COL2A1: variants seen among roughly 807,000 people sequenced by gnomAD.
COL2A1 encodes the protein collagen alpha-1(II) chain.
Under a neutral mutation model 204.5 loss-of-function variants are expected in COL2A1, and 28 were observed. That is an observed-to-expected ratio of 0.14 (90% CI 0.10 to 0.19). The LOEUF (loss-of-function observed/expected upper bound fraction) is 0.19, where lower values mean the gene tolerates loss of function less well. Among genes scored for constraint, COL2A1 ranks in the 10% least tolerant of loss-of-function variants. The pLI, the probability that COL2A1 is intolerant of heterozygous loss-of-function variation, is 1.00. For missense variants in COL2A1, 1,388 were observed against 2,027.5 expected (o/e 0.68, Z 6.06); for synonymous variants, 708 against 718.7 (o/e 0.99, Z 0.24).
intron 12 of COL2A1, 130 bp downstream of exon 12, chr12:47,994,294 C>T (rs1376496422): frequency 1.4e-5 from 15 of 1,062,052 alleles, no homozygotes; most frequent in South Asian, 1.1e-4. Flanking sequence ...CAAACATGGT[C>T]GTGATAAATA....
chr12:47,993,894 T>A, intron 13 of COL2A1, 32 bp from the exon 14 acceptor site: 1 of 1,614,096 alleles, frequency 6.2e-7, no homozygotes, highest in South Asian at 1.1e-5. Flanking sequence ...TCAATCAGAC[T>A]TCTGGGAAAC....
At chr12:47,997,528 C>T (rs995518926) in intron 7 of COL2A1, 78 bp downstream of exon 7, 2 of 1,612,808 alleles carry the variant, frequency 1.2e-6, no homozygotes, top group African/African-American at 2.7e-5. Context: ...GGGAGCCAGC[C>T]AGGTAAGTGC....
Position 47,996,595 on chromosome 12 carries a change from C to A in COL2A1, c.562G>T (p.Asp188Tyr). Reference sequence around the variant, plus strand: ...AACTGGGCGCCACCAGCCTTTTCATCAAATCCTCCAGCCATCTGGGCAGCA... The same window carrying A: ...AACTGGGCGCCACCAGCCTTTTCATAAAATCCTCCAGCCATCTGGGCAGCA... ...NFAAQMAGGF[D>Y]EKAGGAQLGV... Residue 188 changes from aspartate to tyrosine, a missense_variant, in exon 8 of 54, where the codon GAT becomes TAT. Transcript: ENST00000380518. 1 of 1,614,236 alleles carries A rather than the reference C, an allele frequency of 6.2e-7. No individual in the cohort carries two copies. Among genetic ancestry groups the A allele is most frequent in the Non-Finnish European group, 8.5e-7 (1 of 1,180,046 alleles).
chr12:47,993,382 C>G, intron 15 of COL2A1, 76 bp downstream of exon 15: 1 of 1,139,400 alleles, frequency 8.8e-7, no homozygotes, highest in South Asian at 1.2e-5. Context: ...GAACTTTGCA[C>G]AAAGGGAGCT....
At chr12:47,989,889 A>G (rs1208917281) in intron 16 of COL2A1, 84 bp from the exon 17 acceptor site, 1 of 1,339,656 alleles carries the variant, frequency 7.5e-7, no homozygotes, top group African/African-American at 1.4e-5. Context: ...CAGAAAACGA[A>G]GGACACACTG....
chr12:48,001,699 A>G (rs1020536878), intron 1 of COL2A1, among the ~76,000 whole-genome samples: 2 of 152,178 alleles, frequency 1.3e-5, no homozygotes, highest in African/African-American at 4.8e-5. Flanking sequence ...GCGGCTCTGG[A>G]CACGGCTCGC....
At chr12:48,001,537 T>G (rs1435058911) in intron 1 of COL2A1, among the ~76,000 whole-genome samples, 1 of 151,882 alleles carries the variant, frequency 6.6e-6, no homozygotes, top group Non-Finnish European at 1.5e-5. Flanking sequence ...CCCTCGCCCA[T>G]GAGGACCCAG....
chr12:48,004,297 T>A lies in COL2A1; in HGVS notation c.25A>T (p.Thr9Ser), dbSNP rs3803183. 0.81 allele frequency: 1,253,225 copies of A among 1,549,070 alleles called. 511,699 individuals are homozygous for A. The highest frequency in any genetic ancestry group is 0.84 in the Non-Finnish European group (965,729 of 1,145,632). The change falls in exon 1 of 54, where the codon ACG (threonine) becomes TCG (serine). Residue 9 changes from threonine to serine, a missense_variant. By Grantham distance (58) the Thr-to-Ser change is moderately conservative. Coordinates refer to ENST00000380518, the MANE Select transcript of COL2A1 (RefSeq NM_001844.5). Reference sequence around the variant, plus strand: ...ACGAGCAGCGTCAGCAGCACCAGCGTCTGGGGAGCCCCGAGGCGAATCATG... The same window carrying A: ...ACGAGCAGCGTCAGCAGCACCAGCGACTGGGGAGCCCCGAGGCGAATCATG... MIRLGAPQ[T>S]LVLLTLLVAA...
At position 47,987,753 on chromosome 12, in the gene COL2A1, A is replaced by C; in HGVS notation, c.1123-44T>G. 6.8e-7 allele frequency: 1 copy of C among 1,468,818 alleles called. No homozygotes were observed. The highest frequency in any genetic ancestry group is 9.4e-7 in the Non-Finnish European group (1 of 1,060,016). The allele number at this position is 1,468,818 out of a possible 1,614,324, so 91.0% of individuals were successfully genotyped here. A position where few individuals can be genotyped will look rare whatever the true frequency, so the allele number is the denominator to read the frequency against. The stretch of plus-strand genomic sequence containing the variant: ...GATGAAATGAAGAAGAAGAGAGGGG[A>C]CACAGACCTCTAGTGGGTGGGCAAT... On this transcript the variant is annotated intron_variant, in intron 18 of 53. Coordinates refer to ENST00000380518, the MANE Select transcript of COL2A1 (RefSeq NM_001844.5). The surrounding 1 kb of genome is among the most constrained non-coding windows in gnomAD (Gnocchi z 4.1).
At chr12:47,979,634 G>T in intron 40 of COL2A1, 70 bp from the exon 41 acceptor site, 2 of 566,316 alleles carry the variant, frequency 3.5e-6, no homozygotes, top group South Asian at 1.5e-5. Flanking sequence ...ATGGGCGGGG[G>T]GCGGGGGTGG....
Position 47,981,804 on chromosome 12 carries a change from G to T in COL2A1, c.2381C>A (p.Pro794His). The T allele has an allele frequency of 6.4e-7, 1 of 1,552,944 alleles. No homozygotes were observed. Among genetic ancestry groups the T allele is most frequent in the South Asian group, 1.2e-5 (1 of 84,236 alleles). The change falls in exon 36 of 54, where the codon CCT becomes CAT. Residue 794 changes from proline (P) to histidine (H), a missense_variant. Pro to His is a moderately conservative substitution (Grantham distance 77). Transcript: ENST00000380518. Reference protein sequence around the residue: ...GRGLTGPIGPPGPAGANGEKG... With the variant: ...GRGLTGPIGPHGPAGANGEKG... ...CTCGCCATTAGCACCAGCTGGGCCA[G>T]GGGGGCCAATGGGACCTGTCAGGCC...
chr12:47,992,049 G>A (rs1164928879), intron 16 of COL2A1, among the ~76,000 whole-genome samples: 1 of 152,214 alleles, frequency 6.6e-6, no homozygotes, highest in Non-Finnish European at 1.5e-5. Context: ...AGGGGCCTCA[G>A]AGCTTGGGTG....
upstream of COL2A1, chr12:48,004,614 C>G (rs111303206): frequency 3.3e-6 from 1 of 304,496 alleles, no homozygotes. Context: ...CGCCTGGGCC[C>G]TGCCAGTGCC....
At position 47,983,670 on chromosome 12, in the gene COL2A1, T is replaced by C. The variant is rs1381091347; in HGVS notation, c.1995+13A>G. On this transcript the variant is annotated intron_variant, in intron 30 of 53. Transcript: ENST00000380518. ...GCAAAGGACTGCACAGAGAGCCTGG[T>C]CCAGCCACCTACCTGGAACCCAGAT... The C allele has an allele frequency of 1.3e-6, 2 of 1,594,912 alleles. No homozygotes were observed. The highest frequency in any genetic ancestry group is 2.7e-5 in the African/African-American group (2 of 74,720).
chr12:47,992,152 A>G (rs1439472057), intron 16 of COL2A1, among the ~76,000 whole-genome samples: 3 of 152,052 alleles, frequency 2.0e-5, no homozygotes, highest in Admixed American at 6.6e-5. Flanking sequence ...AGGACTCTCT[A>G]TTGCTAAGGA....
Position 48,004,270 on chromosome 12 carries a change from C to T in COL2A1, c.52G>A (p.Ala18Thr). The T allele has an allele frequency of 6.5e-7, 1 of 1,550,276 alleles. No homozygotes were observed. Among genetic ancestry groups the T allele is most frequent in the Non-Finnish European group, 8.7e-7 (1 of 1,146,486 alleles). The change falls in exon 1 of 54, where the codon GCC (alanine) becomes ACC (threonine). Residue 18 changes from alanine to threonine, a missense_variant. Coordinates refer to ENST00000380518, the MANE Select transcript of COL2A1 (RefSeq NM_001844.5). ...QTLVLLTLLV[A>T]AVLRCQGQDV... Reference sequence around the variant, plus strand: ...TGGCCCTGACACCGAAGGACAGCGGCGACGAGCAGCGTCAGCAGCACCAGC... The same window carrying T: ...TGGCCCTGACACCGAAGGACAGCGGTGACGAGCAGCGTCAGCAGCACCAGC...
Position 47,998,412 on chromosome 12 carries a change from T to C in COL2A1, c.309+3A>G. 6.2e-7 allele frequency: 1 copy of C among 1,606,680 alleles called. No homozygotes were observed. The highest frequency in any genetic ancestry group is 8.5e-7 in the Non-Finnish European group (1 of 1,175,136). On this transcript the variant is annotated splice_donor_region_variant and intron_variant, in intron 3 of 53. Transcript: ENST00000380518. ...GAAAAAAGAAAAAGAAGAAAGCCCTTACCTTTGGTCCTGGTTGCCCTGCAA... is the reference window on the plus strand; with the variant it reads ...GAAAAAAGAAAAAGAAGAAAGCCCTCACCTTTGGTCCTGGTTGCCCTGCAA...
At chr12:48,004,004 C>T in intron 1 of COL2A1, 1 of 560,560 alleles carries the variant, frequency 1.8e-6, no homozygotes. Context: ...AACGTAGGGA[C>T]CTGCAAATAC....
chr12:47,980,012 G>C lies in COL2A1; in HGVS notation c.2676C>G (p.Pro892=). The change falls in exon 40 of 54, where the codon CCC becomes CCG. Residue 892 remains proline (P), a synonymous_variant. Transcript: ENST00000380518. This position sits in a 1 kb window ranked among gnomAD's most constrained non-coding sequence, Gnocchi z 4.5. The part of the protein sequence containing the change: ...GPKGARGAQG[P]PGATGFPGAA... ...GGGTGTCAGAGGCCTCACTCACCGG[G>C]GGGCCTTGGGCACCTCGGGCTCCTT... 6.4e-7 allele frequency: 1 copy of C among 1,554,826 alleles called. No homozygotes were observed. Among genetic ancestry groups the C allele is most frequent in the East Asian group, 2.4e-5 (1 of 41,162 alleles).
Sources: gnomAD v4.1 joint callset for allele counts (sites outside exome capture counted in the v4.1 genomes callset) on GRCh38, gnomAD v4.1.1 for gene constraint, Gnocchi (gnomAD v3.1) non-coding constraint, MANE v1.5 for transcripts, NCBI Gene and HGNC (gene_info 2026-07-23, HGNC 2026-07-21) for gene names.